Variants in ARHGAP6 observed in about 807,000 individuals in gnomAD.
ARHGAP6 encodes rho GTPase-activating protein 6.
Under a neutral mutation model 55.7 loss-of-function variants are expected in ARHGAP6, and 16 were observed. The observed-to-expected ratio is 0.29, with a 90% CI of 0.19 to 0.44. The LOEUF (loss-of-function observed/expected upper bound fraction) is 0.44. Among genes scored for constraint, ARHGAP6 ranks in the 20% least tolerant of loss-of-function variants. ARHGAP6 has a pLI of 1.00. For missense variants in ARHGAP6, 698 were observed against 808.9 expected (o/e 0.86, Z 1.66); for synonymous variants, 382 against 360.9 (o/e 1.06, Z -0.66).
chrX:11,508,225 T>C (rs1022332226), intron 1 of ARHGAP6, among the ~76,000 whole-genome samples: 1 of 110,872 alleles, frequency 9.0e-6, no homozygotes, highest in Non-Finnish European at 1.9e-5. Context: ...GGTGCGATCA[T>C]AGCTCACTGC....
intron 1 of ARHGAP6, among the ~76,000 whole-genome samples, chrX:11,398,040 T>C (rs192004877): frequency 4.6e-4 from 51 of 111,302 alleles, no homozygotes; most frequent in Admixed American, 4.4e-3. Context: ...CAGGCACTCT[T>C]TACTCTGGGG....
chrX:11,293,308 A>G (rs1385713331), intron 1 of ARHGAP6: 1 of 111,988 alleles, frequency 8.9e-6, no homozygotes, highest in Non-Finnish European at 1.9e-5. Flanking sequence ...AAATCATGAT[A>G]CAGGGATTTT....
intron 1 of ARHGAP6, among the ~76,000 whole-genome samples, chrX:11,287,404 G>A (rs750995764): frequency 8.9e-6 from 1 of 111,956 alleles, no homozygotes; most frequent in African/African-American, 3.3e-5. Flanking sequence ...CGTCTGCTCT[G>A]ACTCTCAATG....
At chrX:11,330,859 C>T (rs2048554708) in intron 1 of ARHGAP6, among the ~76,000 whole-genome samples, 1 of 112,083 alleles carries the variant, frequency 8.9e-6, no homozygotes, top group African/African-American at 3.2e-5. Flanking sequence ...CTCTTCCTTT[C>T]CTCTCTATTC....
At chrX:11,298,985 T>C in intron 1 of ARHGAP6, 1 of 1,206,411 alleles carries the variant, frequency 8.3e-7, no homozygotes, top group Non-Finnish European at 1.1e-6. Flanking sequence ...TGAGTATATT[T>C]TGAAGCCACT....
chrX:11,470,679 G>C (rs144599776), intron 1 of ARHGAP6, among the ~76,000 whole-genome samples: 1 of 112,138 alleles, frequency 8.9e-6, no homozygotes, highest in Non-Finnish European at 1.9e-5. Flanking sequence ...GGTCGTGCAG[G>C]ACACTTTCCC....
chrX:11,598,232 A>C (rs2051925199), intron 1 of ARHGAP6, among the ~76,000 whole-genome samples: 1 of 112,096 alleles, frequency 8.9e-6, no homozygotes, highest in African/African-American at 3.2e-5. Context: ...CAGGGATGGA[A>C]ACTCTGGAAG....
intron 2 of ARHGAP6, among the ~76,000 whole-genome samples, chrX:11,247,932 C>T (rs2047373875): frequency 9.0e-6 from 1 of 111,626 alleles, no homozygotes; most frequent in African/African-American, 3.3e-5. Flanking sequence ...TCCATGCTTG[C>T]CTCCATGGAG....
At chrX:11,560,590 T>C (rs912186592) in intron 1 of ARHGAP6, among the ~76,000 whole-genome samples, 2 of 111,969 alleles carry the variant, frequency 1.8e-5, no homozygotes, top group Non-Finnish European at 3.8e-5. Flanking sequence ...GTTTTGTGGG[T>C]GAATCTGAGT....
intron 10 of ARHGAP6, chrX:11,145,207 GC>G (rs962628133): frequency 8.9e-6 from 1 of 112,072 alleles, no homozygotes; most frequent in African/African-American, 3.3e-5. Context: ...ACTAGTCTTT[GC>G]TCTCTTTTGG....
chrX:11,586,151 G>A (rs937222400), intron 1 of ARHGAP6, among the ~76,000 whole-genome samples: 3 of 111,867 alleles, frequency 2.7e-5, no homozygotes, highest in Non-Finnish European at 5.6e-5. Flanking sequence ...TGTTTACTCT[G>A]TTGATAGTTT....
In ARHGAP6 at chrX:11,137,567, T is replaced by C. The variant is rs1382989209; in HGVS notation, c.*1296A>G. The stretch of plus-strand genomic sequence containing the variant: ...CCTTTGCTTAACTTTTTATTCATCA[T>C]GGCACAAGATAGAACCTTAAGAAAC... On this transcript the variant is annotated 3_prime_UTR_variant, in exon 13 of 13. Transcript: ENST00000337414. The C allele has an allele frequency of 9.0e-6, 1 of 110,796 alleles. No homozygotes were observed. The highest frequency in any genetic ancestry group is 3.3e-5 in the African/African-American group (1 of 30,341). The allele number at this position is 110,796 out of a possible 1,213,427, so 9.1% of individuals were successfully genotyped here. A position where few individuals can be genotyped will look rare whatever the true frequency, so the allele number is the denominator to read the frequency against.
intron 1 of ARHGAP6, among the ~76,000 whole-genome samples, chrX:11,505,947 T>C (rs2050727839): frequency 9.0e-6 from 1 of 111,132 alleles, no homozygotes. Flanking sequence ...ACTATGCTTA[T>C]TACCTGGGTG....
chrX:11,166,541 A>T (rs1452771392), intron 9 of ARHGAP6, among the ~76,000 whole-genome samples: 1 of 112,328 alleles, frequency 8.9e-6, no homozygotes, highest in Admixed American at 9.5e-5. Flanking sequence ...CAACATAGCG[A>T]CATACAAGAT....
intron 1 of ARHGAP6, among the ~76,000 whole-genome samples, chrX:11,267,123 A>G (rs1235869145): frequency 1.3e-4 from 15 of 112,215 alleles, no homozygotes; most frequent in Non-Finnish European, 1.9e-5. Flanking sequence ...GATACTCATC[A>G]ATGGAAGTTA....
intron 1 of ARHGAP6, among the ~76,000 whole-genome samples, chrX:11,417,103 T>TATAC (rs1371469255): frequency 5.0e-5 from 4 of 79,871 alleles, no homozygotes; most frequent in Non-Finnish European, 7.1e-5. Context: ...TATATATATA[T>TATAC]ATACACATAC....
intron 1 of ARHGAP6, among the ~76,000 whole-genome samples, chrX:11,495,324 C>A (rs1472602627): frequency 3.6e-5 from 4 of 111,759 alleles, no homozygotes; most frequent in Non-Finnish European, 7.5e-5. Flanking sequence ...CATATCCTTG[C>A]CCTTACTTCC....
At chrX:11,380,122 G>A (rs927259828) in intron 1 of ARHGAP6, among the ~76,000 whole-genome samples, 1 of 111,361 alleles carries the variant, frequency 9.0e-6, no homozygotes, top group African/African-American at 3.3e-5. Flanking sequence ...CAGTAAATAC[G>A]AAACTCAATG....
At chrX:11,363,053 G>A (rs2049032484) in intron 1 of ARHGAP6, among the ~76,000 whole-genome samples, 1 of 111,883 alleles carries the variant, frequency 8.9e-6, no homozygotes, top group African/African-American at 3.3e-5. Flanking sequence ...AAAACCATAT[G>A]AATTAAAGTT....
Sources: allele counts gnomAD v4.1 joint callset (sites outside exome capture counted in the v4.1 genomes callset), GRCh38; gene constraint gnomAD v4.1.1; transcripts MANE v1.5; gene names NCBI Gene and HGNC (gene_info 2026-07-23, HGNC 2026-07-21).